Variants in LAMA3 observed in about 807,000 individuals in gnomAD.
LAMA3 encodes laminin subunit alpha-3.
A neutral mutation model predicts 402.0 loss-of-function variants in LAMA3; 281 were observed. That is an observed-to-expected ratio of 0.70 (90% confidence interval 0.63 to 0.77). LAMA3 has a LOEUF of 0.77. LAMA3 is among the 30% of genes least tolerant of loss of function. LAMA3 has a pLI of 0.00. For missense variants in LAMA3, 3,840 were observed against 4,215.5 expected (o/e 0.91, Z 2.47); for synonymous variants, 1,431 against 1,558.4 (o/e 0.92, Z 1.93).
At chr18:23,809,511 C>G (rs1598835594) in intron 12 of LAMA3, among the ~76,000 whole-genome samples, 1 of 152,208 alleles carries the variant, frequency 6.6e-6, no homozygotes, top group Non-Finnish European at 1.5e-5. Flanking sequence ...CTGCTCATCC[C>G]TCTCCAGAAG....
chr18:23,692,747 C>T (rs2060615932), intron 1 of LAMA3, among the ~76,000 whole-genome samples: 1 of 152,018 alleles, frequency 6.6e-6, no homozygotes, highest in Non-Finnish European at 1.5e-5. Flanking sequence ...TTATTGTCTT[C>T]TGGTTTAACT....
At chr18:23,896,845 G>T (rs147481666) in intron 44 of LAMA3, among the ~76,000 whole-genome samples, 1 of 152,108 alleles carries the variant, frequency 6.6e-6, no homozygotes, top group Non-Finnish European at 1.5e-5. Flanking sequence ...TTGGAGGTTC[G>T]AGTAGGGGTG....
intron 12 of LAMA3, among the ~76,000 whole-genome samples, chr18:23,793,620 A>G (rs1048969488): frequency 1.3e-5 from 2 of 151,356 alleles, no homozygotes; most frequent in African/African-American, 4.9e-5. Context: ...GTGGGGAAAA[A>G]CTCTTTCCTC....
intron 68 of LAMA3, 87 bp downstream of exon 68, chr18:23,939,473 T>C (rs1831921006): frequency 3.7e-6 from 5 of 1,349,062 alleles, no homozygotes; most frequent in Non-Finnish European, 5.3e-6. Flanking sequence ...CATGACACCA[T>C]GCAGCTCTCT....
At chr18:23,714,167 ACTTCAGTTTT>A (rs1245681893) in intron 2 of LAMA3, 95 bp downstream of exon 2, 1 of 1,262,430 alleles carries the variant, frequency 7.9e-7, no homozygotes, top group African/African-American at 1.5e-5. Context: ...AAAAAAACAA[ACTTCAGTTTT>A]AATCCCCTCA....
intron 13 of LAMA3, among the ~76,000 whole-genome samples, chr18:23,810,732 A>G (rs1391446626): frequency 6.6e-6 from 1 of 152,180 alleles, no homozygotes; most frequent in Non-Finnish European, 1.5e-5. Context: ...TTAACTAAAA[A>G]TAATGTAAAT....
chr18:23,807,075 A>G (rs2062976632), intron 12 of LAMA3, among the ~76,000 whole-genome samples: 1 of 152,210 alleles, frequency 6.6e-6, no homozygotes, highest in Non-Finnish European at 1.5e-5. Context: ...ACCGATGACT[A>G]TCAGTGCTTT....
rs188330589 is a variant in LAMA3, at chr18:23,868,265, G to A, written c.4767+348G>A. On this transcript the variant is annotated intron_variant, in intron 37 of 74. Transcript: ENST00000313654. ...ATCACTTCTGGTCACAAACATTTCA[G>A]AGATACCCAACTTGTATAGATTCAA... is the stretch of plus-strand genomic sequence containing the variant. 1.1e-4 allele frequency among the ~76,000 whole-genome samples: 16 copies of A among 152,254 alleles called. No individual in the cohort carries two copies. In the East Asian group the frequency reaches 2.1e-3, roughly 20 times the overall value.
chr18:23,775,021 G>A (rs888331448), intron 9 of LAMA3, among the ~76,000 whole-genome samples: 1 of 152,180 alleles, frequency 6.6e-6, no homozygotes, highest in Non-Finnish European at 1.5e-5. Context: ...TAGAGGCTTG[G>A]CGTAAAGGAT....
chr18:23,839,978 G>A lies in LAMA3; in HGVS notation c.3336+49G>A. On this transcript the variant is annotated intron_variant, in intron 27 of 74. Coordinates refer to ENST00000313654, the MANE Select transcript of LAMA3 (RefSeq NM_198129.4). The surrounding 1 kb of genome is among the most constrained non-coding windows in gnomAD (Gnocchi z 4.5). Reference sequence around the variant, plus strand: ...TGGTTCTCAAAGTATGACCTCTGAAGCAGCAGCATCCACATCACTTGGAAA... The same window carrying A: ...TGGTTCTCAAAGTATGACCTCTGAAACAGCAGCATCCACATCACTTGGAAA... 6.3e-7 allele frequency: 1 copy of A among 1,592,416 alleles called. No homozygotes were observed. The highest frequency in any genetic ancestry group is 8.6e-7 in the Non-Finnish European group (1 of 1,160,428).
At chr18:23,809,160 G>A (rs780842107) in intron 12 of LAMA3, among the ~76,000 whole-genome samples, 3 of 152,120 alleles carry the variant, frequency 2.0e-5, no homozygotes, top group Non-Finnish European at 2.9e-5. Flanking sequence ...GCGAAGCATC[G>A]TGCTCAATGC....
At chr18:23,926,331 G>T (rs987371788) in intron 62 of LAMA3, among the ~76,000 whole-genome samples, 5 of 152,234 alleles carry the variant, frequency 3.3e-5, no homozygotes, top group Non-Finnish European at 7.4e-5. Flanking sequence ...AATAATCTAT[G>T]GAGAGAGGGA....
intron 44 of LAMA3, 97 bp downstream of exon 44, chr18:23,895,155 G>C (rs1438205329): frequency 1.1e-5 from 16 of 1,391,362 alleles, no homozygotes; most frequent in South Asian, 8.7e-5. Context: ...TCCTGGAAAG[G>C]CTCAGGGGTT....
rs1351543750 is a variant in LAMA3, at chr18:23,921,584, A to G, written c.8176A>G (p.Arg2726Gly). ...LGGIPIAIRE[R>G]FNISTPAFRG... ...AGGAATTCCAATTGCAATCAGGGAA[A>G]GGTAAGATGATTTTTTTAAAACGAG... is the stretch of plus-strand genomic sequence containing the variant. Residue 2726 changes from arginine to glycine, a missense_variant and splice_region_variant, in exon 62 of 75, where the codon AGA becomes GGA. By Grantham distance (125) the Arg-to-Gly change is moderately radical. Around this residue, in one of 3 missense-constraint regions of LAMA3, gnomAD observed 840 missense variants for 981.9 expected, o/e 0.86. Transcript: ENST00000313654. 1.9e-6 allele frequency: 3 copies of G among 1,613,896 alleles called. No homozygotes were observed. The Middle Eastern group carries it at 5.0e-4, about 267-fold the overall frequency.
At chr18:23,893,633 A>T (rs2080772412) in intron 42 of LAMA3, among the ~76,000 whole-genome samples, 2 of 152,150 alleles carry the variant, frequency 1.3e-5, no homozygotes, top group Non-Finnish European at 1.5e-5. Context: ...TATGTGCTGT[A>T]GTTGGTGGTG....
intron 25 of LAMA3, chr18:23,837,298 A>G (rs2063602560): frequency 1.8e-6 from 1 of 563,804 alleles, no homozygotes. Flanking sequence ...ATTTAGTCAT[A>G]TTTAAGCACC....
chr18:23,726,154 G>T (rs2061296635), intron 2 of LAMA3, among the ~76,000 whole-genome samples: 1 of 152,212 alleles, frequency 6.6e-6, no homozygotes, highest in Non-Finnish European at 1.5e-5. Context: ...GGGCAAGGAA[G>T]CCCAGAGCCG....
chr18:23,934,139 A>G (rs2082245986), intron 67 of LAMA3, among the ~76,000 whole-genome samples: 1 of 152,174 alleles, frequency 6.6e-6, no homozygotes, highest in Admixed American at 6.5e-5. Context: ...AAAGTTGGCA[A>G]GTTTTGCACT....
chr18:23,923,805 A>G (rs960519454), intron 62 of LAMA3, among the ~76,000 whole-genome samples: 13 of 152,186 alleles, frequency 8.5e-5, no homozygotes, highest in African/African-American at 3.1e-4. Flanking sequence ...TGTTTGCATG[A>G]TATTAACACA....
Sources: allele counts gnomAD v4.1 joint callset (sites outside exome capture counted in the v4.1 genomes callset), GRCh38; gene constraint gnomAD v4.1.1; regional missense constraint gnomAD v4.1.1; non-coding constraint Gnocchi (gnomAD v3.1); transcripts MANE v1.5; gene names NCBI Gene and HGNC (gene_info 2026-07-23, HGNC 2026-07-21).